KLHL4: variants seen among roughly 807,000 people sequenced by gnomAD.
KLHL4 encodes the protein kelch like family member 4.
Under a neutral mutation model 45.8 loss-of-function variants are expected in KLHL4, and 17 were observed. The ratio of observed to expected loss-of-function variants is 0.37; its 90% CI spans 0.25 to 0.56. The LOEUF (loss-of-function observed/expected upper bound fraction) is 0.56, where lower values mean the gene tolerates loss of function less well. KLHL4 is among the 20% of genes least tolerant of loss of function. KLHL4 has a pLI of 0.79. For missense variants in KLHL4, 544 were observed against 544.9 expected (o/e 1.00, Z 0.02); for synonymous variants, 224 against 189.9 (o/e 1.18, Z -1.47).
chrX:87,555,144 A>G (rs1413622185), intron 1 of KLHL4, among the ~76,000 whole-genome samples: 1 of 102,958 alleles, frequency 9.7e-6, no homozygotes, highest in African/African-American at 3.6e-5. Context: ...GGATTTTTGC[A>G]TCAATGTTCA....
At chrX:87,521,404 C>T (rs1930998363) in intron 1 of KLHL4, among the ~76,000 whole-genome samples, 1 of 111,391 alleles carries the variant, frequency 9.0e-6, no homozygotes, top group Admixed American at 9.6e-5. Context: ...AGGCACTCTT[C>T]TAGATGTTAG....
chrX:87,517,843 G>C lies in KLHL4; in HGVS notation c.-51G>C. Reference sequence around the variant, plus strand: ...AGGCAGAAAAACAAGAGATAACAAAGGCTCCGTTTCCTTTCTGTGAGAGAA... The same window carrying C: ...AGGCAGAAAAACAAGAGATAACAAACGCTCCGTTTCCTTTCTGTGAGAGAA... On this transcript the variant is annotated 5_prime_UTR_variant, in exon 1 of 11. Transcript: ENST00000373119. 8.9e-7 allele frequency: 1 copy of C among 1,124,455 alleles called. No individual in the cohort carries two copies. The highest frequency in any genetic ancestry group is 1.2e-6 in the Non-Finnish European group (1 of 840,967). The allele number at this position is 1,124,455 out of a possible 1,213,427, so 92.7% of individuals were successfully genotyped here.
At position 87,667,629 on chromosome X, in the gene KLHL4, A is replaced by G; in HGVS notation, c.*1095A>G. On this transcript the variant is annotated 3_prime_UTR_variant, in exon 11 of 11. Coordinates refer to ENST00000373119, the MANE Select transcript of KLHL4 (RefSeq NM_019117.5). The stretch of plus-strand genomic sequence containing the variant: ...AGACTTGTTAAGTTTTAAAATAACA[A>G]AAATGGCTAGTTGAATAGTATTTTA... The G allele has an allele frequency of 3.4e-6, 2 of 591,699 alleles. No individual in the cohort carries two copies. Among genetic ancestry groups the G allele is most frequent in the Non-Finnish European group, 4.1e-6 (2 of 491,497 alleles). The allele number at this position is 591,699 out of a possible 1,213,427, so 48.8% of individuals were successfully genotyped here. A position where few individuals can be genotyped will look rare whatever the true frequency, so the allele number is the denominator to read the frequency against.
At chrX:87,647,630 A>C (rs1923679436) in intron 9 of KLHL4, among the ~76,000 whole-genome samples, 1 of 111,912 alleles carries the variant, frequency 8.9e-6, no homozygotes, top group South Asian at 3.7e-4. Flanking sequence ...AGTAACTCAG[A>C]AATGGAAAAC....
chrX:87,639,586 T>A (rs1923381272), intron 9 of KLHL4, among the ~76,000 whole-genome samples: 1 of 111,272 alleles, frequency 9.0e-6, no homozygotes, highest in Non-Finnish European at 1.9e-5. Flanking sequence ...GTACATGGAA[T>A]TTAAATAACA....
chrX:87,551,967 G>A (rs777375314), intron 1 of KLHL4, among the ~76,000 whole-genome samples: 2 of 111,186 alleles, frequency 1.8e-5, no homozygotes, highest in Non-Finnish European at 3.8e-5. Context: ...AACATAGGAA[G>A]AACTCTTCTA....
intron 1 of KLHL4, among the ~76,000 whole-genome samples, chrX:87,609,793 G>T (rs1025570472): frequency 3.6e-5 from 4 of 111,277 alleles, no homozygotes; most frequent in Admixed American, 9.6e-5. Context: ...ATTTTGGCTT[G>T]TGTTGCCATT....
intron 9 of KLHL4, among the ~76,000 whole-genome samples, chrX:87,661,634 G>A (rs1299336089): frequency 6.3e-5 from 7 of 111,510 alleles, no homozygotes; most frequent in Admixed American, 4.8e-4. Context: ...CTGTGGCACA[G>A]ACTACAAAAT....
chrX:87,592,082 G>A (rs918032994), intron 1 of KLHL4, among the ~76,000 whole-genome samples: 1 of 109,420 alleles, frequency 9.1e-6, no homozygotes, highest in Admixed American at 9.9e-5. Flanking sequence ...TTAAGTTATA[G>A]CTTCTACAAA....
At chrX:87,649,954 T>A (rs181813332) in intron 9 of KLHL4, among the ~76,000 whole-genome samples, 4 of 111,404 alleles carry the variant, frequency 3.6e-5, no homozygotes, top group African/African-American at 1.3e-4. Context: ...GCAGTAAACC[T>A]CCAACTTTGT....
chrX:87,633,941 G>T, intron 8 of KLHL4, 30 bp downstream of exon 8: 1 of 1,152,858 alleles, frequency 8.7e-7, no homozygotes, highest in Non-Finnish European at 1.2e-6. Flanking sequence ...CATGTTCATT[G>T]CTCCCAGGTC....
At chrX:87,556,055 C>G (rs759757245) in intron 1 of KLHL4, among the ~76,000 whole-genome samples, 347 of 110,498 alleles carry the variant, frequency 3.1e-3, no homozygotes, top group Middle Eastern at 0.014. Context: ...ATCCTGAGTT[C>G]TAGTTTGATT....
At chrX:87,612,543 G>T in intron 1 of KLHL4, among the ~76,000 whole-genome samples, 1 of 111,680 alleles carries the variant, frequency 9.0e-6, no homozygotes. Context: ...CCTTAATGAT[G>T]CATTTCTCAG....
chrX:87,560,837 T>G (rs1932081593), intron 1 of KLHL4, among the ~76,000 whole-genome samples: 1 of 111,837 alleles, frequency 8.9e-6, no homozygotes, highest in African/African-American at 3.2e-5. Context: ...TACAGTTTCT[T>G]TATTCAATTG....
chrX:87,544,755 C>T (rs187404299), intron 1 of KLHL4, among the ~76,000 whole-genome samples: 5 of 111,578 alleles, frequency 4.5e-5, no homozygotes, highest in African/African-American at 1.3e-4. Context: ...GTTTAAGGGG[C>T]CCCACACCAA....
chrX:87,541,253 G>A (rs1185489173), intron 1 of KLHL4, among the ~76,000 whole-genome samples: 2 of 109,112 alleles, frequency 1.8e-5, no homozygotes, highest in Admixed American at 9.9e-5. Flanking sequence ...TTGGGAGGCC[G>A]AGGGGGGTGG....
chrX:87,591,553 C>G (rs1921665313), intron 1 of KLHL4, among the ~76,000 whole-genome samples: 2 of 111,016 alleles, frequency 1.8e-5, no homozygotes, highest in South Asian at 7.5e-4. Context: ...GATATCAATC[C>G]CTTGTCAGAC....
intron 1 of KLHL4, among the ~76,000 whole-genome samples, chrX:87,582,991 T>C (rs1921335497): frequency 9.2e-6 from 1 of 108,849 alleles, no homozygotes; most frequent in African/African-American, 3.3e-5. Context: ...CTCCCTGCAA[T>C]TGGCTACTTT....
At chrX:87,594,733 A>C (rs1921782805) in intron 1 of KLHL4, among the ~76,000 whole-genome samples, 1 of 111,791 alleles carries the variant, frequency 8.9e-6, no homozygotes, top group African/African-American at 3.2e-5. Flanking sequence ...TGTATCTTGG[A>C]TCTCTAACTA....
Sources: allele counts gnomAD v4.1 joint callset (sites outside exome capture counted in the v4.1 genomes callset), GRCh38; gene constraint gnomAD v4.1.1; transcripts MANE v1.5; gene names NCBI Gene and HGNC (gene_info 2026-07-23, HGNC 2026-07-21).